Variants in LRBA observed in about 807,000 individuals in gnomAD.
The protein encoded by LRBA is lipopolysaccharide-responsive and beige-like anchor protein.
A neutral mutation model predicts 330.0 loss-of-function variants in LRBA; 176 were observed. That is an observed-to-expected ratio of 0.53 (90% confidence interval 0.47 to 0.60). LRBA has a LOEUF of 0.60. Ranked by LOEUF, LRBA falls within the 20% of genes least tolerant of loss-of-function variation. The pLI, the probability that LRBA is intolerant of heterozygous loss-of-function variation, is 0.00. For synonymous variants in LRBA, 1,230 were observed against 1,193.0 expected, an observed-to-expected ratio of 1.03 and a Z score of -0.64; for missense variants, 3,259 against 3,444.8, an observed-to-expected ratio of 0.95 and a Z score of 1.35.
intron 2 of LRBA, among the ~76,000 whole-genome samples, chr4:150,988,835 C>T (rs998217063): frequency 1.3e-5 from 2 of 151,944 alleles, no homozygotes; most frequent in Non-Finnish European, 2.9e-5. Flanking sequence ...CCTGGGCCTC[C>T]CAAAGTGCTG....
intron 50 of LRBA, among the ~76,000 whole-genome samples, chr4:150,317,742 G>A (rs1369563109): frequency 6.6e-6 from 1 of 152,158 alleles, no homozygotes; most frequent in East Asian, 1.9e-4. Flanking sequence ...ATGGGTTTAA[G>A]GAGGTTTGCT....
chr4:150,917,228 T>C (rs907108490), intron 5 of LRBA, among the ~76,000 whole-genome samples: 3 of 152,076 alleles, frequency 2.0e-5, no homozygotes, highest in Admixed American at 6.5e-5. Context: ...AGAAGACTTT[T>C]AGTAACTTTT....
At chr4:150,628,633 AATC>A (rs1180525068) in intron 37 of LRBA, among the ~76,000 whole-genome samples, 1 of 152,178 alleles carries the variant, frequency 6.6e-6, no homozygotes, top group Non-Finnish European at 1.5e-5. Context: ...CTAAAGGAAA[AATC>A]ATCATTTATA....
At chr4:150,659,903 G>A (rs1581960410) in intron 37 of LRBA, among the ~76,000 whole-genome samples, 1 of 91,962 alleles carries the variant, frequency 1.1e-5, no homozygotes, top group African/African-American at 3.3e-5. Flanking sequence ...GAGGGAGGTG[G>A]GGGGGTCAGC....
chr4:150,629,135 C>T (rs957763050), intron 37 of LRBA, among the ~76,000 whole-genome samples: 5 of 152,272 alleles, frequency 3.3e-5, no homozygotes, highest in Admixed American at 2.0e-4. Flanking sequence ...CTTCTGGTCT[C>T]AAGCAATCCT....
intron 34 of LRBA, among the ~76,000 whole-genome samples, chr4:150,783,731 G>T (rs990442864): frequency 4.6e-5 from 7 of 152,136 alleles, no homozygotes; most frequent in Non-Finnish European, 8.8e-5. Context: ...CAGATTTAGG[G>T]TCACACAGTT....
chr4:150,372,776 TCTC>T (rs1277430306), intron 47 of LRBA, among the ~76,000 whole-genome samples: 1 of 148,410 alleles, frequency 6.7e-6, no homozygotes, highest in African/African-American at 2.5e-5. Flanking sequence ...AGATATTAGT[TCTC>T]CTCCTGTGAT....
chr4:150,810,370 A>C (rs1229470094), intron 31 of LRBA, among the ~76,000 whole-genome samples: 2 of 152,162 alleles, frequency 1.3e-5, no homozygotes, highest in Non-Finnish European at 2.9e-5. Context: ...AACTGTAGTT[A>C]ATCTTTCTTT....
chr4:150,422,629 G>C (rs1748975270), intron 46 of LRBA: 1 of 602,464 alleles, frequency 1.7e-6, no homozygotes, highest in Non-Finnish European at 3.0e-6. Context: ...GTTCCATGAA[G>C]AGCACCCTGA....
chr4:150,283,220 C>T (rs1747761450), intron 54 of LRBA, among the ~76,000 whole-genome samples: 1 of 152,118 alleles, frequency 6.6e-6, no homozygotes, highest in Non-Finnish European at 1.5e-5. Context: ...CACACAGGAA[C>T]CCTTCGGCCA....
At chr4:150,731,224 C>G (rs1407805102) in intron 36 of LRBA, among the ~76,000 whole-genome samples, 1 of 152,130 alleles carries the variant, frequency 6.6e-6, no homozygotes, top group East Asian at 1.9e-4. Flanking sequence ...ACCATGAGAA[C>G]AGTCTGGAGG....
chr4:150,397,951 A>G (rs994549277), intron 47 of LRBA, among the ~76,000 whole-genome samples: 10 of 152,248 alleles, frequency 6.6e-5, no homozygotes, highest in African/African-American at 2.4e-4. Flanking sequence ...AGTTTAATGA[A>G]CAAAATCCCA....
At chr4:150,714,769 T>A (rs943323640) in intron 36 of LRBA, among the ~76,000 whole-genome samples, 1 of 152,098 alleles carries the variant, frequency 6.6e-6, no homozygotes, top group Non-Finnish European at 1.5e-5. Flanking sequence ...TTAAAATATA[T>A]TTTTTTCCAA....
intron 40 of LRBA, among the ~76,000 whole-genome samples, chr4:150,539,676 A>G (rs1009832615): frequency 1.3e-5 from 2 of 152,210 alleles, no homozygotes; most frequent in African/African-American, 2.4e-5. Flanking sequence ...CTAGAATCCA[A>G]CGTAACATAT....
chr4:150,656,097 CA>C (rs1780160464), intron 37 of LRBA, among the ~76,000 whole-genome samples: 1 of 152,158 alleles, frequency 6.6e-6, no homozygotes, highest in African/African-American at 2.4e-5. Flanking sequence ...TCTCTATTTT[CA>C]AAACGTCTGC....
intron 44 of LRBA, among the ~76,000 whole-genome samples, chr4:150,453,705 T>C (rs1753668810): frequency 6.6e-6 from 1 of 152,142 alleles, no homozygotes; most frequent in Admixed American, 6.5e-5. Context: ...CACTATCTAT[T>C]CACAGATCTC....
chr4:150,603,167 T>A (rs1218620178), intron 37 of LRBA, among the ~76,000 whole-genome samples: 1 of 152,212 alleles, frequency 6.6e-6, no homozygotes, highest in African/African-American at 2.4e-5. Context: ...TACTTAGGGC[T>A]CCTCTTAGGA....
At chr4:150,314,726 G>A (rs925373280) in intron 51 of LRBA, 1 of 152,036 alleles carries the variant, frequency 6.6e-6, no homozygotes, top group Non-Finnish European at 1.5e-5. Context: ...CTTCAAAATC[G>A]AGGCTTAACA....
intron 34 of LRBA, among the ~76,000 whole-genome samples, chr4:150,795,891 T>G (rs1225364079): frequency 3.3e-5 from 5 of 151,982 alleles, no homozygotes; most frequent in Admixed American, 3.3e-4. Context: ...AATATAAGTT[T>G]TGAATGGATT....
Sources: gnomAD v4.1 joint callset for allele counts (sites outside exome capture counted in the v4.1 genomes callset) on GRCh38, gnomAD v4.1.1 for gene constraint, MANE v1.5 for transcripts, NCBI Gene and HGNC (gene_info 2026-07-23, HGNC 2026-07-21) for gene names.